The following DNM3 variants were observed in gnomAD, a reference collection of about 807,000 sequenced individuals.
DNM3 encodes dynamin 3.
In DNM3, 47 loss-of-function variants were observed where a neutral mutation model predicts 101.6. The observed-to-expected ratio is 0.46, with a 90% CI of 0.37 to 0.59. DNM3 has a LOEUF of 0.59. Among genes scored for constraint, DNM3 ranks in the 20% least tolerant of loss-of-function variants. The probability of loss-of-function intolerance (pLI) is 0.00; values close to 1 mark genes in which losing one functional copy is unlikely to be tolerated. For synonymous variants in DNM3, 385 were observed against 387.9 expected, an observed-to-expected ratio of 0.99 and a Z score of 0.09; for missense variants, 849 against 1,085.7, an observed-to-expected ratio of 0.78 and a Z score of 3.06.
chr1:172,075,218 G>A (rs111906213), intron 11 of DNM3, among the ~76,000 whole-genome samples: 4,778 of 151,462 alleles, frequency 0.032, 249 homozygotes, highest in African/African-American at 0.11. Context: ...TTAGCCCTTT[G>A]TCAGATGGGT....
chr1:171,883,479 T>G (rs2036501310), intron 1 of DNM3, among the ~76,000 whole-genome samples: 1 of 142,866 alleles, frequency 7.0e-6, no homozygotes. Context: ...TTTTTCTTTC[T>G]TTTTTTTTTT....
chr1:172,344,224 A>C (rs188422505), intron 17 of DNM3, among the ~76,000 whole-genome samples: 154 of 152,294 alleles, frequency 1.0e-3, no homozygotes, highest in African/African-American at 3.6e-3. Context: ...AATGCCTCTC[A>C]TTGGTTTAAT....
chr1:171,847,997 T>C (rs1007370053), intron 1 of DNM3, among the ~76,000 whole-genome samples: 1 of 151,726 alleles, frequency 6.6e-6, no homozygotes, highest in African/African-American at 2.4e-5. Flanking sequence ...GACATTATTA[T>C]AAGAAGCTTT....
intron 15 of DNM3, among the ~76,000 whole-genome samples, chr1:172,285,299 A>G (rs1301194852): frequency 1.3e-5 from 2 of 152,196 alleles, no homozygotes; most frequent in Non-Finnish European, 2.9e-5. Flanking sequence ...CATGGAGACC[A>G]GGTTTTTACC....
chr1:172,157,933 A>G (rs1198403869), intron 14 of DNM3, among the ~76,000 whole-genome samples: 2 of 152,032 alleles, frequency 1.3e-5, no homozygotes, highest in African/African-American at 4.8e-5. Context: ...GCAGGTATTT[A>G]GAGTACTTAC....
chr1:172,362,757 A>T (rs371260583), intron 17 of DNM3, among the ~76,000 whole-genome samples: 1 of 150,656 alleles, frequency 6.6e-6, no homozygotes, highest in South Asian at 2.1e-4. Flanking sequence ...CTCCTAATCC[A>T]GCTTCTGGCC....
At chr1:172,146,283 T>G (rs1262582415) in intron 14 of DNM3, among the ~76,000 whole-genome samples, 1 of 152,180 alleles carries the variant, frequency 6.6e-6, no homozygotes, top group African/African-American at 2.4e-5. Context: ...TAAAATGGCC[T>G]CTTTTGAATC....
chr1:172,217,359 A>G (rs1433671967), intron 14 of DNM3, among the ~76,000 whole-genome samples: 1 of 152,144 alleles, frequency 6.6e-6, no homozygotes, highest in Non-Finnish European at 1.5e-5. Context: ...GTGGAAAGCC[A>G]TGTATTGGTA....
At chr1:172,273,931 A>G (rs1261754133) in intron 15 of DNM3, among the ~76,000 whole-genome samples, 1 of 152,110 alleles carries the variant, frequency 6.6e-6, no homozygotes, top group Non-Finnish European at 1.5e-5. Flanking sequence ...GTGGTGTCAC[A>G]TCAGCTTAAG....
chr1:172,016,399 T>G (rs1165632875), intron 4 of DNM3, among the ~76,000 whole-genome samples: 1 of 152,224 alleles, frequency 6.6e-6, no homozygotes, highest in Non-Finnish European at 1.5e-5. Context: ...TTCCCCTGCT[T>G]TATCCTATTG....
chr1:172,194,519 A>T (rs2059872787), intron 14 of DNM3, among the ~76,000 whole-genome samples: 1 of 152,000 alleles, frequency 6.6e-6, no homozygotes, highest in African/African-American at 2.4e-5. Flanking sequence ...GTCTCTAAGG[A>T]CTTGCTTTAT....
chr1:172,313,069 G>C (rs886422297), intron 16 of DNM3, among the ~76,000 whole-genome samples: 1 of 152,170 alleles, frequency 6.6e-6, no homozygotes, highest in Non-Finnish European at 1.5e-5. Flanking sequence ...TTTCTGAGCA[G>C]CCACAATATT....
intron 1 of DNM3, among the ~76,000 whole-genome samples, chr1:171,875,430 TGTACC>T (rs2035673753): frequency 6.6e-6 from 1 of 152,244 alleles, no homozygotes; most frequent in African/African-American, 2.4e-5. Context: ...ATTGTGCTGT[TGTACC>T]TTTTTTTCTT....
chr1:172,347,427 T>A (rs2066997027), intron 17 of DNM3, among the ~76,000 whole-genome samples: 1 of 151,990 alleles, frequency 6.6e-6, no homozygotes. Context: ...AAATAAAAAG[T>A]TGTTTAATAT....
chr1:171,980,782 T>C (rs966597097), intron 2 of DNM3, among the ~76,000 whole-genome samples: 2 of 149,628 alleles, frequency 1.3e-5, no homozygotes, highest in African/African-American at 5.0e-5. Context: ...TTTTTTTTTT[T>C]TTTTTTGAGA....
At chr1:172,394,836 C>T (rs1392390983) in intron 20 of DNM3, among the ~76,000 whole-genome samples, 5 of 152,074 alleles carry the variant, frequency 3.3e-5, no homozygotes, top group East Asian at 3.8e-4. Context: ...GCTGAATATT[C>T]CTATATACAA....
intron 17 of DNM3, among the ~76,000 whole-genome samples, chr1:172,363,164 T>C (rs542008687): frequency 1.1e-4 from 17 of 151,970 alleles, no homozygotes; most frequent in Non-Finnish European, 2.1e-4. Flanking sequence ...AATTTGTTTT[T>C]TTCTGTACAC....
At chr1:172,019,953 ATTAGAG>A (rs2047722540) in intron 4 of DNM3, among the ~76,000 whole-genome samples, 6 of 151,760 alleles carry the variant, frequency 4.0e-5, no homozygotes. Context: ...TAACTCTAAC[ATTAGAG>A]TTAGAGTTCT....
chr1:172,029,576 A>T (rs1347685629), intron 4 of DNM3, among the ~76,000 whole-genome samples: 2 of 152,220 alleles, frequency 1.3e-5, no homozygotes, highest in Non-Finnish European at 2.9e-5. Context: ...CAAGAGAAAG[A>T]AATAAAGCGT....
Sources: allele counts gnomAD v4.1 joint callset (sites outside exome capture counted in the v4.1 genomes callset), GRCh38; gene constraint gnomAD v4.1.1; transcripts MANE v1.5; gene names NCBI Gene and HGNC (gene_info 2026-07-23, HGNC 2026-07-21).